CBFA2T3: variants seen among roughly 807,000 people sequenced by gnomAD.
CBFA2T3 encodes the protein CBFA2/RUNX1 partner transcriptional co-repressor 3, also known as transcriptional corepressor CBFA2T3.
CBFA2T3 carries 31 observed loss-of-function variants against 58.6 expected under a neutral mutation model. The ratio of observed to expected loss-of-function variants is 0.53; its 90% CI spans 0.40 to 0.71. The LOEUF is 0.71. Ranked by LOEUF, CBFA2T3 falls within the 30% of genes least tolerant of loss-of-function variation. The pLI, the probability that CBFA2T3 is intolerant of heterozygous loss-of-function variation, is 0.00. For synonymous variants in CBFA2T3, 531 were observed against 421.9 expected (o/e 1.26, Z -3.17); for missense variants, 1,076 against 963.1 (o/e 1.12, Z -1.55).
chr16:88,888,369 C>T (rs1969466584), intron 5 of CBFA2T3, among the ~76,000 whole-genome samples: 1 of 142,380 alleles, frequency 7.0e-6, no homozygotes, highest in Non-Finnish European at 1.5e-5. Flanking sequence ...AGGGGACTGG[C>T]TGGGGGTCAC....
chr16:88,914,200 C>A (rs1318515660), intron 1 of CBFA2T3, among the ~76,000 whole-genome samples: 5 of 152,232 alleles, frequency 3.3e-5, no homozygotes, highest in Admixed American at 2.6e-4. Context: ...ATGCGAGAGT[C>A]CGTTTCTAGA....
intron 8 of CBFA2T3, 70 bp downstream of exon 8, chr16:88,882,606 G>A (rs561848930): frequency 6.4e-5 from 59 of 924,008 alleles, no homozygotes; most frequent in Admixed American, 1.9e-4. Flanking sequence ...CTGTGTGTGC[G>A]TGGCTGTGTG....
At chr16:88,880,888 G>C in intron 9 of CBFA2T3, 100 bp from the exon 10 acceptor site, 1 of 1,118,530 alleles carries the variant, frequency 8.9e-7, no homozygotes, top group East Asian at 2.6e-5. Flanking sequence ...CAGGGCGTGA[G>C]TGTGTGCGTC....
intron 3 of CBFA2T3, 76 bp downstream of exon 3, chr16:88,898,002 C>T: frequency 9.3e-7 from 1 of 1,070,018 alleles, no homozygotes; most frequent in Middle Eastern, 2.1e-4. Flanking sequence ...GCCCCCAGGG[C>T]AGCAGTGTTG....
chr16:88,902,002 C>G (rs1197867740), intron 1 of CBFA2T3, among the ~76,000 whole-genome samples: 1 of 152,220 alleles, frequency 6.6e-6, no homozygotes, highest in African/African-American at 2.4e-5. Flanking sequence ...CTTGCTCCCA[C>G]CTCCATGAGC....
chr16:88,904,758 C>T (rs1049375706), intron 1 of CBFA2T3, among the ~76,000 whole-genome samples: 19 of 152,180 alleles, frequency 1.2e-4, no homozygotes, highest in Non-Finnish European at 2.8e-4. Context: ...GGTGATGGGA[C>T]CTCACGGGTG....
intron 1 of CBFA2T3, chr16:88,938,584 C>G (rs1971591153): frequency 1.3e-5 from 2 of 152,390 alleles, no homozygotes; most frequent in Non-Finnish European, 2.9e-5. Context: ...GCAGGAGACA[C>G]AGGCCACAGG....
chr16:88,917,188 C>T (rs937273105), intron 1 of CBFA2T3, among the ~76,000 whole-genome samples: 8 of 152,216 alleles, frequency 5.3e-5, no homozygotes, highest in African/African-American at 1.9e-4. Flanking sequence ...AGTTAGCTGG[C>T]CCTGCCCTCT....
At chr16:88,974,561 T>G (rs1310546619) in intron 1 of CBFA2T3, among the ~76,000 whole-genome samples, 1 of 152,174 alleles carries the variant, frequency 6.6e-6, no homozygotes, top group Non-Finnish European at 1.5e-5. Flanking sequence ...AACACAGCCC[T>G]GCTCAGTACG....
intron 1 of CBFA2T3, among the ~76,000 whole-genome samples, chr16:88,903,007 G>T (rs1270082011): frequency 6.6e-6 from 1 of 152,166 alleles, no homozygotes; most frequent in Non-Finnish European, 1.5e-5. Context: ...CTCACCCACA[G>T]CCTGGGGCAT....
At chr16:88,949,694 T>C (rs1008455226) in intron 1 of CBFA2T3, among the ~76,000 whole-genome samples, 1 of 151,776 alleles carries the variant, frequency 6.6e-6, no homozygotes, top group African/African-American at 2.4e-5. Context: ...ACAAACTTCA[T>C]GAGTAGGCAA....
intron 10 of CBFA2T3, 178 bp from the exon 11 acceptor site, chr16:88,879,638 C>G (rs1201604579): frequency 3.3e-6 from 2 of 604,308 alleles, no homozygotes; most frequent in African/African-American, 3.7e-5. Flanking sequence ...CACGTAGCAT[C>G]TGTGCACACA....
intron 1 of CBFA2T3, among the ~76,000 whole-genome samples, chr16:88,961,336 A>G (rs142609943): frequency 8.5e-4 from 130 of 152,270 alleles, no homozygotes; most frequent in African/African-American, 2.9e-3. Flanking sequence ...GGGCATTCCC[A>G]CCACATAGTG....
intron 1 of CBFA2T3, among the ~76,000 whole-genome samples, chr16:88,960,134 G>C (rs1045819940): frequency 1.3e-5 from 2 of 152,216 alleles, no homozygotes; most frequent in African/African-American, 4.8e-5. Flanking sequence ...GCAGAGATAA[G>C]ACAAAGTCCT....
rs141952389 is a variant in CBFA2T3 at position 88,928,848 on chromosome 16, G to A, written c.152-27192C>T. Among the ~76,000 whole-genome samples the A allele has an allele frequency of 6.7e-3, 1,022 of 152,398 alleles. 16 individuals carry two copies. Among genetic ancestry groups the A allele is most frequent in the African/African-American group, 0.023 (976 of 41,600 alleles). On this transcript the variant is annotated intron_variant, in intron 1 of 11. Coordinates refer to ENST00000268679, the MANE Select transcript of CBFA2T3 (RefSeq NM_005187.6). ...TGCCATCTGAGCAAGGCCTGAAGGA[G>A]GGCAGCTGGGAGCCACGCAGGCGTC...
chr16:88,881,228 C>T, intron 9 of CBFA2T3, 63 bp downstream of exon 9: 1 of 1,434,700 alleles, frequency 7.0e-7, no homozygotes, highest in Non-Finnish European at 9.7e-7. Flanking sequence ...CCTGACAGCT[C>T]CCAGGTGTCC....
intron 1 of CBFA2T3, among the ~76,000 whole-genome samples, chr16:88,962,776 C>G (rs1972400382): frequency 6.6e-6 from 1 of 152,222 alleles, no homozygotes. Flanking sequence ...ACAGGGGGAG[C>G]AAAGCCTGCT....
Position 88,892,421 on chromosome 16 carries a change from G to A in CBFA2T3, c.444C>T (p.Phe148=), listed in dbSNP as rs142570531. 6.2e-6 allele frequency: 10 copies of A among 1,613,590 alleles called. No homozygotes were observed. Among genetic ancestry groups the A allele is most frequent in the South Asian group, 1.1e-5 (1 of 91,090 alleles). The part of the protein sequence containing the change: ...INGAPCTPNG[F]SNGPATSSTA... ...TGGACGAGGTGGCCGGGCCATTGCT[G>A]AAGCCGTTGGGTGTGCACGGTGCAC... Residue 148 remains phenylalanine, a synonymous_variant, in exon 4 of 12, where the codon TTC becomes TTT. Coordinates refer to ENST00000268679, the MANE Select transcript of CBFA2T3 (RefSeq NM_005187.6).
At chr16:88,926,868 C>T (rs1409168424) in intron 1 of CBFA2T3, among the ~76,000 whole-genome samples, 2 of 152,232 alleles carry the variant, frequency 1.3e-5, no homozygotes, top group East Asian at 3.8e-4. Flanking sequence ...CACCTCACAG[C>T]GAGGTCCTTG....
Sources: allele counts gnomAD v4.1 joint callset (sites outside exome capture counted in the v4.1 genomes callset), GRCh38; gene constraint gnomAD v4.1.1; transcripts MANE v1.5; gene names NCBI Gene and HGNC (gene_info 2026-07-23, HGNC 2026-07-21).